Variants in CD63 observed in about 807,000 individuals in gnomAD.
The protein encoded by CD63 is CD63 antigen.
Under a neutral mutation model 29.2 loss-of-function variants are expected in CD63, and 16 were observed. That is an observed-to-expected ratio of 0.55 (90% CI 0.37 to 0.83). The LOEUF is 0.83. Among genes scored for constraint, CD63 ranks in the 40% least tolerant of loss-of-function variants. The pLI is 0.00. For synonymous variants in CD63, 118 were observed against 111.7 expected (o/e 1.06, Z -0.36); for missense variants, 251 against 297.3 (o/e 0.84, Z 1.15).
At chr12:55,724,878 A>C (rs1877136523), downstream of CD63, among the ~76,000 whole-genome samples, 1 of 151,860 alleles carries the variant, frequency 6.6e-6, no homozygotes, top group Non-Finnish European at 1.5e-5. Flanking sequence ...CATTTCCCTT[A>C]TTTTCTGAAG....
chr12:55,725,024 C>A (rs1321088976), downstream of CD63, among the ~76,000 whole-genome samples: 1 of 152,124 alleles, frequency 6.6e-6, no homozygotes, highest in Non-Finnish European at 1.5e-5. Context: ...CATAAATTCT[C>A]CTGCTAAGGA....
At position 55,728,011 on chromosome 12, in the gene CD63, A is replaced by C. The variant is rs1022613281; in HGVS notation, c.66+265T>G. ...GCTGGTTGCCCCACTGCCCCATATC[A>C]CAAGTGGTTGGGTCACCAGACAGGA... On this transcript the variant is annotated intron_variant, in intron 2 of 7. Transcript: ENST00000257857. The surrounding 1 kb of genome is among the most constrained non-coding windows in gnomAD (Gnocchi z 4.8). 1.6e-5 allele frequency: 16 copies of C among 975,566 alleles called. No individual in the cohort carries two copies. The highest frequency in any genetic ancestry group is 2.1e-5 in the Non-Finnish European group (15 of 705,846). 60.4% of individuals were successfully genotyped at this position (975,566 alleles called of 1,614,324 possible).
chr12:55,724,671 TAAA>T (rs1877122152), downstream of CD63: 7 of 967,988 alleles, frequency 7.2e-6, no homozygotes, highest in Non-Finnish European at 1.1e-5. Flanking sequence ...GTTTAAAAAA[TAAA>T]AAGAAGGTGG....
chr12:55,727,963 A>G, intron 2 of CD63: 2 of 1,212,890 alleles, frequency 1.6e-6, no homozygotes, highest in South Asian at 4.1e-5. Context: ...GGGAAGCCCC[A>G]TGGCGATAGC....
intron 4 of CD63, 42 bp from the exon 5 acceptor site, chr12:55,726,837 A>G: frequency 6.2e-7 from 1 of 1,608,232 alleles, no homozygotes; most frequent in Non-Finnish European, 8.5e-7. Context: ...GAATTCAAGC[A>G]CCAGGGTCCC....
chr12:55,726,653 G>A (rs1043211998), intron 5 of CD63, 47 bp downstream of exon 5: 5 of 1,451,316 alleles, frequency 3.4e-6, no homozygotes, highest in Admixed American at 1.7e-5. Flanking sequence ...CCTTGGAGAT[G>A]AGAATTCTCT....
chr12:55,726,767 C>CG lies in CD63; in HGVS notation c.358dup (p.Arg120ProfsTer25). The CG allele has an allele frequency of 1.2e-6, 2 of 1,614,004 alleles. No individual in the cohort carries two copies. The highest frequency in any genetic ancestry group is 8.5e-7 in the Non-Finnish European group (1 of 1,179,926). ...TTTCGGGTAATTCTCCATCTGCTGC[C>CG]GGAAGTTGTTATTAAACTCTGACAT... On this transcript the variant is annotated frameshift_variant, in exon 5 of 8. Coordinates refer to ENST00000257857, the MANE Select transcript of CD63 (RefSeq NM_001780.6). LOFTEE classifies it high-confidence loss of function.
At chr12:55,724,726 C>G, downstream of CD63, 3 of 677,892 alleles carry the variant, frequency 4.4e-6, no homozygotes, top group Non-Finnish European at 7.9e-6. Flanking sequence ...ATTTAAGTGC[C>G]AACTACTCCA....
At position 55,725,710 on chromosome 12, in the gene CD63, A is replaced by G. The variant is rs187140382; in HGVS notation, c.652-84T>C. On this transcript the variant is annotated intron_variant, in intron 7 of 7. Coordinates refer to ENST00000257857, the MANE Select transcript of CD63 (RefSeq NM_001780.6). The stretch of plus-strand genomic sequence containing the variant: ...CCCATGCAAGAGACTCCAAACACAC[A>G]CTCCCAGGCCAGTACCTCCTGTTCA... 7 of 1,513,176 alleles carry G rather than the reference A, an allele frequency of 4.6e-6. No individual in the cohort carries two copies. The East Asian group carries it at 1.4e-4, about 29-fold the overall frequency. The allele number at this position is 1,513,176 out of a possible 1,614,324, so 93.7% of individuals were successfully genotyped here. A position where few individuals can be genotyped will look rare whatever the true frequency, so the allele number is the denominator to read the frequency against.
intron 2 of CD63, 152 bp from the exon 3 acceptor site, chr12:55,727,491 G>A: frequency 8.4e-7 from 1 of 1,183,514 alleles, no homozygotes; most frequent in Non-Finnish European, 1.1e-6. Flanking sequence ...GTGGGGTAGG[G>A]GGATGACCCA....
rs987514585 is a variant in CD63, at chr12:55,727,754, G to GA, written c.67-416dup. On this transcript the variant is annotated intron_variant, in intron 2 of 7. Transcript: ENST00000257857. Reference sequence around the variant, plus strand: ...TCTGGCCAGTTAGGCCAGGAGAAGGGAAGAGGAAAAGGGAGCAAGAGTGAT... The same window carrying GA: ...TCTGGCCAGTTAGGCCAGGAGAAGGGAAAGAGGAAAAGGGAGCAAGAGTGAT... 2.0e-5 allele frequency: 21 copies of GA among 1,031,886 alleles called. No homozygotes were observed. In the African/African-American group the frequency reaches 3.6e-4, roughly 18 times the overall value. The allele number at this position is 1,031,886 out of a possible 1,614,324, so 63.9% of individuals were successfully genotyped here.
chr12:55,725,650 G>A (rs1213643096), intron 7 of CD63, 24 bp from the exon 8 acceptor site: 1 of 1,611,044 alleles, frequency 6.2e-7, no homozygotes, highest in South Asian at 1.1e-5. Flanking sequence ...TGGGGACAGG[G>A]GTGGAGAGGA....
chr12:55,724,209 C>T (rs553945466), downstream of CD63: 12 of 1,453,702 alleles, frequency 8.3e-6, no homozygotes, highest in African/African-American at 1.5e-4. Flanking sequence ...CCTGCCCACT[C>T]CCCACACTGA....
upstream of CD63, chr12:55,729,393 G>C (rs1877766753): frequency 6.5e-6 from 1 of 153,396 alleles, no homozygotes; most frequent in Non-Finnish European, 1.4e-5. Context: ...GGGGCGGAGA[G>C]CTGAGGCCGG....
chr12:55,728,822 G>A lies in CD63; in HGVS notation c.-12+131C>T. The A allele has an allele frequency of 1.0e-6, 1 of 991,086 alleles. No homozygotes were observed. Among genetic ancestry groups the A allele is most frequent in the Non-Finnish European group, 1.2e-6 (1 of 833,920 alleles). 61.4% of individuals were successfully genotyped at this position (991,086 alleles called of 1,614,324 possible). On this transcript the variant is annotated intron_variant, in intron 1 of 7. Transcript: ENST00000257857. This position sits in a 1 kb window ranked among gnomAD's most constrained non-coding sequence, Gnocchi z 4.8. ...CTGCCCGGGCCCAGGGAACTTCGAA[G>A]CAAAGTTGCTCCAGGGCGGCTGGAG...
At chr12:55,724,032 G>T, downstream of CD63, 2 of 1,611,242 alleles carry the variant, frequency 1.2e-6, no homozygotes, top group Non-Finnish European at 1.7e-6. Flanking sequence ...CACTATGGGG[G>T]GGCCTTCCTC....
At chr12:55,723,755 G>C, downstream of CD63, 1 of 1,018,700 alleles carries the variant, frequency 9.8e-7, no homozygotes. Flanking sequence ...CTTGTCCCGG[G>C]GCAGTAGGCA....
Position 55,728,260 on chromosome 12 carries a change from A to T in CD63, c.66+16T>A. On this transcript the variant is annotated intron_variant, in intron 2 of 7. Transcript: ENST00000257857. This position sits in a 1 kb window ranked among gnomAD's most constrained non-coding sequence, Gnocchi z 4.8. Reference sequence around the variant, plus strand: ...GCACCCTGCCGGCGCGCCCCCCAGGACCCCTCGCCACTCACGCAAAAGGCC... The same window carrying T: ...GCACCCTGCCGGCGCGCCCCCCAGGTCCCCTCGCCACTCACGCAAAAGGCC... 1 of 1,603,612 alleles carries T rather than the reference A, an allele frequency of 6.2e-7. No homozygotes were observed. Among genetic ancestry groups the T allele is most frequent in the East Asian group, 2.2e-5 (1 of 44,610 alleles).
At position 55,728,011 on chromosome 12, in the gene CD63, A is replaced by G. The variant is rs1022613281; in HGVS notation, c.66+265T>C. 2.9e-5 allele frequency: 28 copies of G among 975,566 alleles called. No individual in the cohort carries two copies. The highest frequency in any genetic ancestry group is 3.8e-5 in the Non-Finnish European group (27 of 705,846). 60.4% of individuals were successfully genotyped at this position (975,566 alleles called of 1,614,324 possible). ...GCTGGTTGCCCCACTGCCCCATATC[A>G]CAAGTGGTTGGGTCACCAGACAGGA... On this transcript the variant is annotated intron_variant, in intron 2 of 7. Transcript: ENST00000257857. The surrounding 1 kb of genome is among the most constrained non-coding windows in gnomAD (Gnocchi z 4.8).
Sources: allele counts gnomAD v4.1 joint callset (sites outside exome capture counted in the v4.1 genomes callset), GRCh38; gene constraint gnomAD v4.1.1; non-coding constraint Gnocchi (gnomAD v3.1); transcripts MANE v1.5; gene names NCBI Gene and HGNC (gene_info 2026-07-23, HGNC 2026-07-21).